The following HS3ST5 variants were observed in gnomAD, a reference collection of about 807,000 sequenced individuals.
HS3ST5 encodes the protein heparan sulfate glucosamine 3-O-sulfotransferase 5.
HS3ST5 carries 10 observed loss-of-function variants against 25.4 expected under a neutral mutation model. The observed-to-expected ratio is 0.39, with a 90% confidence interval of 0.24 to 0.67. The LOEUF (loss-of-function observed/expected upper bound fraction) is 0.67, where lower values mean the gene tolerates loss of function less well. Among genes scored for constraint, HS3ST5 ranks in the 30% least tolerant of loss-of-function variants. The pLI, the probability that HS3ST5 is intolerant of heterozygous loss-of-function variation, is 0.44. For synonymous variants in HS3ST5, 170 were observed against 162.4 expected, an observed-to-expected ratio of 1.05 and a Z score of -0.36; for missense variants, 324 against 420.7, an observed-to-expected ratio of 0.77 and a Z score of 2.01.
intron 3 of HS3ST5, among the ~76,000 whole-genome samples, chr6:114,103,703 CT>C (rs34593869): frequency 0.17 from 21,421 of 128,208 alleles, 1,147 homozygotes; most frequent in African/African-American, 0.21. Context: ...TTTTCTTCTT[CT>C]TTTTTTTTTT....
chr6:114,338,638 GT>G (rs1321670893), intron 1 of HS3ST5, among the ~76,000 whole-genome samples: 1 of 151,992 alleles, frequency 6.6e-6, no homozygotes, highest in Non-Finnish European at 1.5e-5. Flanking sequence ...ACTATGAAAT[GT>G]TTTTTACTTA....
At chr6:114,198,673 T>A (rs1381045626) in intron 2 of HS3ST5, among the ~76,000 whole-genome samples, 3 of 152,208 alleles carry the variant, frequency 2.0e-5, no homozygotes, top group African/African-American at 7.2e-5. Flanking sequence ...TACAATTAAA[T>A]AAACTAAAGA....
At chr6:114,328,675 C>T (rs12216474) in intron 1 of HS3ST5, among the ~76,000 whole-genome samples, 48,721 of 152,086 alleles carry the variant, frequency 0.32, 8,649 homozygotes, top group Non-Finnish European at 0.41. Context: ...AGTGCTAACG[C>T]TAAACATGTA....
chr6:114,078,430 G>A (rs893600938), intron 3 of HS3ST5, among the ~76,000 whole-genome samples: 3 of 151,932 alleles, frequency 2.0e-5, no homozygotes, highest in Admixed American at 1.3e-4. Context: ...GGCTGGTCTC[G>A]AACTCCTGAC....
intron 2 of HS3ST5, among the ~76,000 whole-genome samples, chr6:114,172,618 C>T (rs1779525080): frequency 6.6e-6 from 1 of 152,136 alleles, no homozygotes; most frequent in Non-Finnish European, 1.5e-5. Context: ...TTCCAGCTAC[C>T]ATCTTCCCCT....
intron 1 of HS3ST5, among the ~76,000 whole-genome samples, chr6:114,335,679 G>A (rs537374598): frequency 3.4e-5 from 5 of 148,672 alleles, no homozygotes; most frequent in African/African-American, 7.5e-5. Flanking sequence ...TAAATTAGAC[G>A]GAATCTCACT....
At chr6:114,249,436 T>C (rs1341617718) in intron 1 of HS3ST5, among the ~76,000 whole-genome samples, 1 of 152,222 alleles carries the variant, frequency 6.6e-6, no homozygotes, top group African/African-American at 2.4e-5. Context: ...AATCCTGGGA[T>C]ACATAACTAT....
intron 2 of HS3ST5, among the ~76,000 whole-genome samples, chr6:114,226,307 T>G (rs1339828952): frequency 6.6e-6 from 1 of 151,952 alleles, no homozygotes; most frequent in Non-Finnish European, 1.5e-5. Flanking sequence ...CACTACAATA[T>G]TCCACAAATG....
At chr6:114,336,554 C>T (rs1776619982) in intron 1 of HS3ST5, among the ~76,000 whole-genome samples, 1 of 152,146 alleles carries the variant, frequency 6.6e-6, no homozygotes, top group Non-Finnish European at 1.5e-5. Flanking sequence ...CTGCAGTGAG[C>T]CAAGATTGTG....
intron 3 of HS3ST5, among the ~76,000 whole-genome samples, chr6:114,086,288 G>T (rs539488730): frequency 6.6e-6 from 1 of 152,262 alleles, no homozygotes; most frequent in East Asian, 1.9e-4. Context: ...TAACAGCAGA[G>T]TATTTTCTCT....
At chr6:114,244,264 G>A (rs1772279352) in intron 1 of HS3ST5, among the ~76,000 whole-genome samples, 1 of 152,054 alleles carries the variant, frequency 6.6e-6, no homozygotes, top group African/African-American at 2.4e-5. Flanking sequence ...TTTGTGGATC[G>A]CAGCTTTATG....
At chr6:114,224,755 G>A (rs539473377) in intron 2 of HS3ST5, among the ~76,000 whole-genome samples, 35 of 150,308 alleles carry the variant, frequency 2.3e-4, no homozygotes, top group Non-Finnish European at 4.3e-4. Context: ...CCTAATTTTT[G>A]TTAGTTGTTT....
chr6:114,306,034 G>A (rs922635491), intron 1 of HS3ST5, among the ~76,000 whole-genome samples: 1 of 151,982 alleles, frequency 6.6e-6, no homozygotes, highest in Non-Finnish European at 1.5e-5. Context: ...TCGCATTCCT[G>A]TACAATTACC....
intron 1 of HS3ST5, among the ~76,000 whole-genome samples, chr6:114,307,593 C>T (rs1775351251): frequency 6.6e-6 from 1 of 151,902 alleles, no homozygotes; most frequent in African/African-American, 2.4e-5. Context: ...TAAAGTAATG[C>T]ATAACATACG....
At position 114,300,881 on chromosome 6, in the gene HS3ST5, T is replaced by C. The variant is rs143982290; in HGVS notation, c.-339+41314A>G. Among the ~76,000 whole-genome samples the C allele has an allele frequency of 2.2e-4, 33 of 152,124 alleles. No homozygotes were observed. In the East Asian group the frequency reaches 4.8e-3, roughly 22 times the overall value. ...GTGAACCTTGAAACATTATGCTGAG[T>C]GAAAAAAGCCAGTCACAAAAGACCA... On this transcript the variant is annotated intron_variant, in intron 1 of 4. Transcript: ENST00000312719.
At chr6:114,105,655 G>T (rs1775954713) in intron 3 of HS3ST5, among the ~76,000 whole-genome samples, 1 of 152,016 alleles carries the variant, frequency 6.6e-6, no homozygotes, top group Non-Finnish European at 1.5e-5. Flanking sequence ...TTATTCTTGT[G>T]GTCACTAATG....
At chr6:114,175,108 G>A (rs1273821884) in intron 2 of HS3ST5, among the ~76,000 whole-genome samples, 1 of 152,166 alleles carries the variant, frequency 6.6e-6, no homozygotes, top group East Asian at 1.9e-4. Context: ...CAGCAAAGGT[G>A]TATTGATGTA....
At chr6:114,262,356 G>A (rs1274116560) in intron 1 of HS3ST5, among the ~76,000 whole-genome samples, 1 of 152,120 alleles carries the variant, frequency 6.6e-6, no homozygotes, top group Admixed American at 6.5e-5. Context: ...GACCATCCTG[G>A]CTAACATGGT....
At chr6:114,117,940 T>C (rs1361239068) in intron 3 of HS3ST5, among the ~76,000 whole-genome samples, 1 of 152,112 alleles carries the variant, frequency 6.6e-6, no homozygotes, top group Non-Finnish European at 1.5e-5. Context: ...ATTCTGAAAA[T>C]GCCTTTGCAA....
Sources: allele counts gnomAD v4.1 joint callset (sites outside exome capture counted in the v4.1 genomes callset), GRCh38; gene constraint gnomAD v4.1.1; transcripts MANE v1.5; gene names NCBI Gene and HGNC (gene_info 2026-07-23, HGNC 2026-07-21).